Variants in DGKZ observed in about 807,000 individuals in gnomAD.
DGKZ encodes the protein DAG kinase zeta.
Under a neutral mutation model 142.5 loss-of-function variants are expected in DGKZ, and 45 were observed. The observed-to-expected ratio is 0.32, with a 90% CI of 0.25 to 0.40. The LOEUF is 0.40. DGKZ is among the 10% of genes least tolerant of loss of function. The pLI is 1.00. For synonymous variants in DGKZ, 442 were observed against 527.0 expected (o/e 0.84, Z 2.21); for missense variants, 755 against 1,306.5 (o/e 0.58, Z 6.51).
upstream of DGKZ, among the ~76,000 whole-genome samples, chr11:46,346,965 G>A (rs936396680): frequency 1.3e-5 from 2 of 152,188 alleles, no homozygotes; most frequent in Admixed American, 1.3e-4. Flanking sequence ...TAAGTAATGA[G>A]TGGGCATAAT....
At chr11:46,374,190 C>T in exon 15 of DGKZ, 1 of 1,614,212 alleles carries the variant, frequency 6.2e-7, no homozygotes, top group South Asian at 1.1e-5. Context: ...CTACTTCAGC[C>T]TGGGCTTTGA....
chr11:46,368,154 C>A, intron 4 of DGKZ, 75 bp downstream of exon 4: 1 of 1,489,518 alleles, frequency 6.7e-7, no homozygotes, highest in Non-Finnish European at 9.3e-7. Context: ...CTCACACCCA[C>A]ATGTTATACA....
At chr11:46,338,419 C>G (rs546945268) in intron 1 of DGKZ, among the ~76,000 whole-genome samples, 2 of 149,312 alleles carry the variant, frequency 1.3e-5, no homozygotes, top group East Asian at 3.9e-4. Flanking sequence ...TCGCTTGAAC[C>G]CGGTAGGCAA....
chr11:46,346,755 G>A (rs1940661902), upstream of DGKZ, among the ~76,000 whole-genome samples: 1 of 152,190 alleles, frequency 6.6e-6, no homozygotes, highest in Non-Finnish European at 1.5e-5. Flanking sequence ...CGTAGCATAT[G>A]AGATCTATAG....
At chr11:46,361,641 G>A (rs562172019) in intron 1 of DGKZ, 17 of 985,588 alleles carry the variant, frequency 1.7e-5, no homozygotes, top group Non-Finnish European at 1.9e-5. Flanking sequence ...CCGCCAGCCC[G>A]GAGCTGGATC....
exon 29 of DGKZ, chr11:46,379,213 G>A: frequency 1.9e-6 from 3 of 1,613,124 alleles, no homozygotes; most frequent in South Asian, 1.1e-5. Context: ...CCCCCCCAGA[G>A]ATCCTTGATG....
At position 46,379,035 on chromosome 11, in the gene DGKZ, C is replaced by T. The variant is rs368223472; in HGVS notation, c.2463C>T (p.Asp821=). ...CTGGGGGCGACCTCATGCACCGAGA[C>T]GAGCAGAGTCGCACGCTCCTGCACC... The change falls in exon 28 of 31, where the codon GAC becomes GAT. Residue 821 remains aspartate (D), a synonymous_variant. Transcript: ENST00000527911. The T allele has an allele frequency of 3.5e-5, 55 of 1,592,460 alleles. No individual in the cohort carries two copies. The highest frequency in any genetic ancestry group is 4.5e-5 in the East Asian group (2 of 44,764).
intron 1 of DGKZ, among the ~76,000 whole-genome samples, chr11:46,354,697 G>A (rs1941798191): frequency 6.6e-6 from 1 of 152,208 alleles, no homozygotes; most frequent in African/African-American, 2.4e-5. Flanking sequence ...TTTGGTGTGT[G>A]TGATGTTCTT....
chr11:46,372,713 CTG>C lies in DGKZ; in HGVS notation c.1071+37_1071+38del. ...CGCATGGGCCAGCCGAGCACCAGGG[CTG>C]GGCCTGAAGCCGGGGTCCCTGTGGG... is the stretch of plus-strand genomic sequence containing the variant. On this transcript the variant is annotated intron_variant, in intron 12 of 30. Coordinates refer to ENST00000527911, the Ensembl canonical transcript of DGKZ. The surrounding 1 kb of genome is among the most constrained non-coding windows in gnomAD (Gnocchi z 5.9). 1 of 1,612,156 alleles carries C rather than the reference CTG, an allele frequency of 6.2e-7. No homozygotes were observed. The highest frequency in any genetic ancestry group is 8.5e-7 in the Non-Finnish European group (1 of 1,179,296).
Position 46,372,150 on chromosome 11 carries a change from C to A in DGKZ, c.907C>A (p.Pro303Thr). 1 of 1,609,774 alleles carries A rather than the reference C, an allele frequency of 6.2e-7. No homozygotes were observed. The highest frequency in any genetic ancestry group is 8.5e-7 in the Non-Finnish European group (1 of 1,177,812). ...GAAGCCCCTGCTGGTGTTTGTGAAC[C>A]CCAAGAGTGGGGGCAACCAGGTGAA... The change falls in exon 10 of 31, where the codon CCC becomes ACC. Residue 303 changes from proline (P) to threonine (T), a missense_variant. By Grantham distance (38) the Pro-to-Thr change is conservative (BLOSUM62 -1). This residue lies in a region of DGKZ where 191 missense variants were observed against 472.1 expected (regional missense o/e 0.40). Transcript: ENST00000527911. The surrounding 1 kb of genome is among the most constrained non-coding windows in gnomAD (Gnocchi z 5.9).
At chr11:46,348,845 T>G (rs1320693382) in intron 1 of DGKZ, among the ~76,000 whole-genome samples, 1 of 152,130 alleles carries the variant, frequency 6.6e-6, no homozygotes, top group Non-Finnish European at 1.5e-5. Flanking sequence ...CCAAGGAGCT[T>G]GTAGCCAATC....
intron 15 of DGKZ, 26 bp from the exon 16 acceptor site, chr11:46,374,369 CACTG>C (rs767597170): frequency 8.7e-6 from 14 of 1,613,970 alleles, no homozygotes; most frequent in Non-Finnish European, 1.2e-5. Context: ...TGGGGTGACT[CACTG>C]GCCCCCACTG....
intron 1 of DGKZ, among the ~76,000 whole-genome samples, chr11:46,358,006 G>A (rs1026244410): frequency 6.6e-6 from 1 of 152,220 alleles, no homozygotes; most frequent in Non-Finnish European, 1.5e-5. Flanking sequence ...CTGCCAGGGT[G>A]GAGAAGGCAG....
At position 46,367,089 on chromosome 11, in the gene DGKZ, A is replaced by G. The variant is rs1355319645; in HGVS notation, c.162-202A>G. The G allele has an allele frequency of 1.3e-5, 18 of 1,395,594 alleles. No homozygotes were observed. Among genetic ancestry groups the G allele is most frequent in the Non-Finnish European group, 1.5e-5 (16 of 1,038,336 alleles). The allele number at this position is 1,395,594 out of a possible 1,614,324, so 86.5% of individuals were successfully genotyped here. A position where few individuals can be genotyped will look rare whatever the true frequency, so the allele number is the denominator to read the frequency against. ...CTGGCTGAGGGTTCCCCACTTGGGA[A>G]CACTCTGGGCAGTACCCTGAAGCCA... On this transcript the variant is annotated intron_variant, in intron 1 of 30. Transcript: ENST00000527911. This position sits in a 1 kb window ranked among gnomAD's most constrained non-coding sequence, Gnocchi z 4.1.
chr11:46,353,024 ACC>A (rs1941598672), intron 1 of DGKZ, among the ~76,000 whole-genome samples: 1 of 152,196 alleles, frequency 6.6e-6, no homozygotes. Context: ...TTCGAGTGAG[ACC>A]AAGGGCTCTG....
chr11:46,334,382 C>G (rs11038866), intron 1 of DGKZ, among the ~76,000 whole-genome samples: 64,618 of 152,210 alleles, frequency 0.42, 18,454 homozygotes, highest in African/African-American at 0.82. Flanking sequence ...GCGGTCCTTA[C>G]AGCCATCGGC....
chr11:46,367,664 T>A lies in DGKZ; in HGVS notation c.283T>A (p.Tyr95Asn). The A allele has an allele frequency of 6.2e-7, 1 of 1,603,406 alleles. No individual in the cohort carries two copies. The highest frequency in any genetic ancestry group is 8.5e-7 in the Non-Finnish European group (1 of 1,173,380). ...ATCCCGTGGCTAGGAGTCAGCGACA[T>A]ATGGGGAGCACATCTGGTTCGAGAC... The change falls in exon 3 of 31, where the codon TAT (tyrosine) becomes AAT (asparagine). Residue 95 changes from tyrosine to asparagine, a missense_variant. Physicochemically the swap from Tyr to Asn is moderately radical, Grantham distance 143. Transcript: ENST00000527911. This position sits in a 1 kb window ranked among gnomAD's most constrained non-coding sequence, Gnocchi z 4.1.
intron 1 of DGKZ, chr11:46,365,489 C>G (rs1291880222): frequency 1.8e-5 from 18 of 985,256 alleles, no homozygotes; most frequent in Non-Finnish European, 2.0e-5. Flanking sequence ...TTGTCACGGC[C>G]CCCTGGGTGT....
At chr11:46,360,976 G>A (rs1942579504) in intron 1 of DGKZ, among the ~76,000 whole-genome samples, 1 of 152,150 alleles carries the variant, frequency 6.6e-6, no homozygotes, top group Non-Finnish European at 1.5e-5. Flanking sequence ...AGAAGCTGGA[G>A]TCCCAGCTCA....
Sources: allele counts gnomAD v4.1 joint callset (sites outside exome capture counted in the v4.1 genomes callset), GRCh38; gene constraint gnomAD v4.1.1; regional missense constraint gnomAD v4.1.1; non-coding constraint Gnocchi (gnomAD v3.1); transcripts MANE v1.5; gene names NCBI Gene and HGNC (gene_info 2026-07-23, HGNC 2026-07-21).